Variants in LBX2 observed in about 807,000 individuals in gnomAD.
The protein encoded by LBX2 is ladybird homeobox 2.
A neutral mutation model predicts 7.5 loss-of-function variants in LBX2; 6 were observed. That is an observed-to-expected ratio of 0.80 (90% CI 0.44 to 1.59). LBX2 has a LOEUF of 1.59. Among genes scored for constraint, LBX2 ranks in the 40% most tolerant of loss-of-function variants. LBX2 has a pLI of 0.01. For missense variants in LBX2, 281 were observed against 282.0 expected (o/e 1.00, Z 0.03); for synonymous variants, 143 against 133.2 (o/e 1.07, Z -0.51).
chr2:74,499,257 G>C lies in LBX2; in HGVS notation c.205+76C>G, dbSNP rs912258221. The C allele has an allele frequency of 4.4e-6, 6 of 1,356,832 alleles. No homozygotes were observed. The highest frequency in any genetic ancestry group is 6.2e-6 in the Non-Finnish European group (6 of 975,180). 84.0% of individuals were successfully genotyped at this position (1,356,832 alleles called of 1,614,324 possible). On this transcript the variant is annotated intron_variant, in intron 1 of 1. Coordinates refer to ENST00000377566, the MANE Select transcript of LBX2 (RefSeq NM_001282430.2). The surrounding 1 kb of genome is among the most constrained non-coding windows in gnomAD (Gnocchi z 4.6). ...GTGGGTGGCCTGGGCTGGGACAAAG[G>C]TTTGAGACGGGGAACCAGGAGGAGA...
rs1230090303 is a variant in LBX2, at chr2:74,497,886, G to A, written c.*41C>T. 2 of 1,501,806 alleles carry A rather than the reference G, an allele frequency of 1.3e-6. No individual in the cohort carries two copies. The highest frequency in any genetic ancestry group is 1.8e-6 in the Non-Finnish European group (2 of 1,125,148). 93.0% of individuals were successfully genotyped at this position (1,501,806 alleles called of 1,614,324 possible). On this transcript the variant is annotated 3_prime_UTR_variant, in exon 2 of 2. Transcript: ENST00000377566. Reference sequence around the variant, plus strand: ...CCAGAGGCAGAGCGCGAGGTGAGGAGTCCAGGGCCCCAGAGCCCAGGATTG... The same window carrying A: ...CCAGAGGCAGAGCGCGAGGTGAGGAATCCAGGGCCCCAGAGCCCAGGATTG...
upstream of LBX2, among the ~76,000 whole-genome samples, chr2:74,500,209 A>T (rs1674455434): frequency 6.6e-6 from 1 of 152,134 alleles, no homozygotes. Context: ...AAGCAAGCAC[A>T]GGTGAATGGA....
upstream of LBX2, chr2:74,499,862 A>G: frequency 5.3e-6 from 2 of 375,842 alleles, no homozygotes; most frequent in East Asian, 9.4e-5. The surrounding 1 kb of genome is among the most constrained non-coding windows in gnomAD (Gnocchi z 4.6). Flanking sequence ...AGGCCGGGCC[A>G]TACCTCCAGA....
At chr2:74,502,810 T>G, upstream of LBX2, 1 of 1,613,762 alleles carries the variant, frequency 6.2e-7, no homozygotes, top group Non-Finnish European at 8.5e-7. The surrounding 1 kb of genome is among the most constrained non-coding windows in gnomAD (Gnocchi z 5.4). Context: ...TCGACACTTT[T>G]CTCCCCCCAA....
upstream of LBX2, chr2:74,502,792 C>A: frequency 6.2e-7 from 1 of 1,614,074 alleles, no homozygotes; most frequent in South Asian, 1.1e-5. This position sits in a 1 kb window ranked among gnomAD's most constrained non-coding sequence, Gnocchi z 5.4. Context: ...GAAACTCCGA[C>A]GCCCTCCTCG....
intron 1 of LBX2, 116 bp from the exon 2 acceptor site, chr2:74,498,434 G>A: frequency 1.3e-6 from 1 of 792,764 alleles, no homozygotes; most frequent in Non-Finnish European, 1.9e-6. Context: ...GGGAGAGCCA[G>A]GAAGGCGGAC....
upstream of LBX2, among the ~76,000 whole-genome samples, chr2:74,500,888 A>G (rs1572973714): frequency 6.6e-6 from 1 of 152,088 alleles, no homozygotes; most frequent in Non-Finnish European, 1.5e-5. Flanking sequence ...GTCAGGAAAA[A>G]CCAGGCCAGT....
intron 1 of LBX2, 35 bp from the exon 2 acceptor site, chr2:74,498,353 C>T: frequency 6.8e-7 from 1 of 1,463,702 alleles, no homozygotes; most frequent in African/African-American, 1.4e-5. Flanking sequence ...TTTCCAGCCT[C>T]CGGGAATCAG....
rs1219820748 is a variant in LBX2 at position 74,499,265 on chromosome 2, C to T, written c.205+68G>A. ...CCTGGGCTGGGACAAAGGTTTGAGACGGGGAACCAGGAGGAGAGAGGTGAG... is the reference window on the plus strand; with the variant it reads ...CCTGGGCTGGGACAAAGGTTTGAGATGGGGAACCAGGAGGAGAGAGGTGAG... On this transcript the variant is annotated intron_variant, in intron 1 of 1. Coordinates refer to ENST00000377566, the MANE Select transcript of LBX2 (RefSeq NM_001282430.2). This position sits in a 1 kb window ranked among gnomAD's most constrained non-coding sequence, Gnocchi z 4.6. The T allele has an allele frequency of 2.2e-6, 3 of 1,388,326 alleles. No individual in the cohort carries two copies. Among genetic ancestry groups the T allele is most frequent in the African/African-American group, 1.4e-5 (1 of 69,874 alleles). The allele number at this position is 1,388,326 out of a possible 1,614,324, so 86.0% of individuals were successfully genotyped here. A position where few individuals can be genotyped will look rare whatever the true frequency, so the allele number is the denominator to read the frequency against.
upstream of LBX2, chr2:74,501,399 C>A (rs190754058): frequency 3.9e-4 from 60 of 152,388 alleles, no homozygotes; most frequent in African/African-American, 1.4e-3. Flanking sequence ...TGCCCCACTG[C>A]ATCCCAGGCA....
At chr2:74,500,164 C>T (rs1674454875), upstream of LBX2, among the ~76,000 whole-genome samples, 2 of 152,088 alleles carry the variant, frequency 1.3e-5, no homozygotes, top group Admixed American at 1.3e-4. Context: ...CCTGGCGGAG[C>T]GACTGCAACT....
In LBX2 at chr2:74,498,221, C is replaced by T; in HGVS notation, c.303G>A (p.Glu101=). ...GGTACTTCTGGAAGACGAAGCGCCG[C>T]TCCAGCTCCAGCACCTGTTGCGCGG... The part of the protein sequence containing the change: ...AFTAQQVLEL[E]RRFVFQKYLA... The change falls in exon 2 of 2, where the codon GAG becomes GAA. Residue 101 remains glutamate (E), a synonymous_variant. Transcript: ENST00000377566. The T allele has an allele frequency of 6.2e-7, 1 of 1,609,122 alleles. No individual in the cohort carries two copies. Among genetic ancestry groups the T allele is most frequent in the Non-Finnish European group, 8.5e-7 (1 of 1,179,314 alleles).
upstream of LBX2, chr2:74,499,625 C>T (rs1019497237): frequency 2.1e-6 from 3 of 1,397,664 alleles, no homozygotes; most frequent in African/African-American, 2.9e-5. The surrounding 1 kb of genome is among the most constrained non-coding windows in gnomAD (Gnocchi z 4.6). Context: ...AATCCGGGCC[C>T]CCAGCCTCGG....
rs1674432668 is a variant in LBX2, at chr2:74,499,266, G to C, written c.205+67C>G. On this transcript the variant is annotated intron_variant, in intron 1 of 1. Transcript: ENST00000377566. The surrounding 1 kb of genome is among the most constrained non-coding windows in gnomAD (Gnocchi z 4.6). The stretch of plus-strand genomic sequence containing the variant: ...CTGGGCTGGGACAAAGGTTTGAGAC[G>C]GGGAACCAGGAGGAGAGAGGTGAGG... 2 of 1,389,952 alleles carry C rather than the reference G, an allele frequency of 1.4e-6. No individual in the cohort carries two copies. The allele number at this position is 1,389,952 out of a possible 1,614,324, so 86.1% of individuals were successfully genotyped here. A position where few individuals can be genotyped will look rare whatever the true frequency, so the allele number is the denominator to read the frequency against.
upstream of LBX2, chr2:74,502,524 G>A: frequency 1.3e-6 from 1 of 766,484 alleles, no homozygotes; most frequent in South Asian, 1.8e-5. This position sits in a 1 kb window ranked among gnomAD's most constrained non-coding sequence, Gnocchi z 5.4. Flanking sequence ...GGAGTGAGAG[G>A]GCAGTGGGAG....
chr2:74,503,026 C>G (rs1355885409), upstream of LBX2: 1 of 601,640 alleles, frequency 1.7e-6, no homozygotes. This position sits in a 1 kb window ranked among gnomAD's most constrained non-coding sequence, Gnocchi z 5.1. Flanking sequence ...GAACCGACGC[C>G]TTGTCCCGGA....
chr2:74,502,434 C>T (rs1674503640), upstream of LBX2: 3 of 572,358 alleles, frequency 5.2e-6, no homozygotes, highest in African/African-American at 5.7e-5. This position sits in a 1 kb window ranked among gnomAD's most constrained non-coding sequence, Gnocchi z 5.4. Flanking sequence ...CGGAATAACC[C>T]CCTTGGGGAG....
In LBX2 at chr2:74,497,750, C is replaced by T; in HGVS notation, c.*177G>A. 2 of 688,836 alleles carry T rather than the reference C, an allele frequency of 2.9e-6. No homozygotes were observed. The highest frequency in any genetic ancestry group is 2.3e-5 in the South Asian group (1 of 42,888). 42.7% of individuals were successfully genotyped at this position (688,836 alleles called of 1,614,324 possible). ...TCCAGCCTGGGCGACAGAGCGAGGC[C>T]CTGTCTCAGACAACAAAACAAACTT... On this transcript the variant is annotated 3_prime_UTR_variant, in exon 2 of 2. Coordinates refer to ENST00000377566, the MANE Select transcript of LBX2 (RefSeq NM_001282430.2).
In LBX2 at chr2:74,498,333, A is replaced by G. The variant is rs1437433836; in HGVS notation, c.206-15T>C. 4.0e-6 allele frequency: 6 copies of G among 1,483,540 alleles called. No individual in the cohort carries two copies. In the African/African-American group the frequency reaches 8.4e-5, roughly 21 times the overall value. The allele number at this position is 1,483,540 out of a possible 1,614,324, so 91.9% of individuals were successfully genotyped here. A position where few individuals can be genotyped will look rare whatever the true frequency, so the allele number is the denominator to read the frequency against. The stretch of plus-strand genomic sequence containing the variant: ...ACCTGCCCGCCCTGTAGGGATAGGG[A>G]GGGGGTCAGTTTCCAGCCTCCGGGA... On this transcript the variant is annotated splice_polypyrimidine_tract_variant and intron_variant, in intron 1 of 1. Coordinates refer to ENST00000377566, the MANE Select transcript of LBX2 (RefSeq NM_001282430.2).
Sources: allele counts gnomAD v4.1 joint callset (sites outside exome capture counted in the v4.1 genomes callset), GRCh38; gene constraint gnomAD v4.1.1; non-coding constraint Gnocchi (gnomAD v3.1); transcripts MANE v1.5; gene names NCBI Gene and HGNC (gene_info 2026-07-23, HGNC 2026-07-21).